Variants in STIM1 observed in about 807,000 individuals in gnomAD.
The protein encoded by STIM1 is stromal interaction molecule 1.
In STIM1, 25 loss-of-function variants were observed where a neutral mutation model predicts 74.7. That is an observed-to-expected ratio of 0.33 (90% CI 0.24 to 0.47). The LOEUF is 0.47. Among genes scored for constraint, STIM1 ranks in the 20% least tolerant of loss-of-function variants. The pLI is 1.00. For missense variants in STIM1, 728 were observed against 920.8 expected, an observed-to-expected ratio of 0.79 and a Z score of 2.71; for synonymous variants, 328 against 348.8, an observed-to-expected ratio of 0.94 and a Z score of 0.66.
chr11:3,956,511 A>G (rs2093214610), intron 1 of STIM1, among the ~76,000 whole-genome samples: 1 of 152,124 alleles, frequency 6.6e-6, no homozygotes, highest in Non-Finnish European at 1.5e-5. Context: ...TGTAGGTCCT[A>G]AGTGAAACTT....
At chr11:4,071,346 T>TTTATTA (rs921840590) in intron 6 of STIM1, among the ~76,000 whole-genome samples, 1 of 151,918 alleles carries the variant, frequency 6.6e-6, no homozygotes, top group Non-Finnish European at 1.5e-5. Flanking sequence ...TTTATTTCTA[T>TTTATTA]TTATTATTAT....
In STIM1 at chr11:3,892,269, A is replaced by G. The variant is rs2091917931; in HGVS notation, c.139+35860A>G. ...AGAAAACAGAGAAAACATGGAGCCC[A>G]AAGGGAACTGCAGCAAGAGCACAAA... is the stretch of plus-strand genomic sequence containing the variant. On this transcript the variant is annotated intron_variant, in intron 1 of 12. Transcript: ENST00000526596. The G allele has an allele frequency of 1.8e-5, 12 of 660,634 alleles. No individual in the cohort carries two copies. The South Asian group carries it at 2.1e-4, about 12-fold the overall frequency. 40.9% of individuals were successfully genotyped at this position (660,634 alleles called of 1,614,324 possible). A position where few individuals can be genotyped will look rare whatever the true frequency, so the allele number is the denominator to read the frequency against.
intron 1 of STIM1, among the ~76,000 whole-genome samples, chr11:3,909,707 C>T (rs1370669371): frequency 6.6e-6 from 1 of 151,286 alleles, no homozygotes; most frequent in African/African-American, 2.4e-5. Flanking sequence ...GCCTGTGATC[C>T]CAGCTACTTG....
chr11:3,952,142 A>G (rs768217105), intron 1 of STIM1, among the ~76,000 whole-genome samples: 1 of 152,138 alleles, frequency 6.6e-6, no homozygotes, highest in Non-Finnish European at 1.5e-5. Context: ...GGCCAGGCTC[A>G]GTGGCTCATG....
At chr11:4,066,982 C>T (rs530086977) in intron 5 of STIM1, among the ~76,000 whole-genome samples, 1 of 152,174 alleles carries the variant, frequency 6.6e-6, no homozygotes, top group Non-Finnish European at 1.5e-5. Flanking sequence ...TAGGGCTCTG[C>T]GGGAGGGACC....
At position 4,016,599 on chromosome 11, in the gene STIM1, C is replaced by T. The variant is rs986433637; in HGVS notation, c.271-7274C>T. Among the ~76,000 whole-genome samples the T allele has an allele frequency of 4.6e-5, 7 of 152,236 alleles. 1 individual carries two copies. Among genetic ancestry groups the T allele is most frequent in the African/African-American group, 2.4e-5 (1 of 41,466 alleles). ...TCTCTTCAGAGCTGTCAGGCAGGGACGTTTAAGTCTGCAGAAGCTGTCTGC... is the reference window on the plus strand; with the variant it reads ...TCTCTTCAGAGCTGTCAGGCAGGGATGTTTAAGTCTGCAGAAGCTGTCTGC... On this transcript the variant is annotated intron_variant, in intron 2 of 12. Coordinates refer to ENST00000526596, the MANE Select transcript of STIM1 (RefSeq NM_001382567.1).
chr11:4,049,963 G>C (rs1165064123), intron 3 of STIM1, among the ~76,000 whole-genome samples: 5 of 152,084 alleles, frequency 3.3e-5, no homozygotes, highest in Non-Finnish European at 5.9e-5. Flanking sequence ...GAGGTACTTA[G>C]AACAATACTC....
chr11:3,872,614 C>T (rs531809041), intron 1 of STIM1, among the ~76,000 whole-genome samples: 182 of 149,810 alleles, frequency 1.2e-3, no homozygotes, highest in African/African-American at 4.3e-3. Context: ...CTCCGGCTCC[C>T]GGGTTCATGC....
At chr11:3,997,806 C>G (rs954187948) in intron 2 of STIM1, among the ~76,000 whole-genome samples, 2 of 152,122 alleles carry the variant, frequency 1.3e-5, no homozygotes, top group Non-Finnish European at 2.9e-5. Flanking sequence ...GAGGGTCTTG[C>G]ATAAAGTTGT....
At chr11:3,907,975 T>TTTAA in intron 1 of STIM1, among the ~76,000 whole-genome samples, 1 of 152,296 alleles carries the variant, frequency 6.6e-6, no homozygotes, top group African/African-American at 2.4e-5. Context: ...TATTTAAAAA[T>TTTAA]AGCAATCCCT....
chr11:4,018,472 A>C lies in STIM1; in HGVS notation c.271-5401A>C, dbSNP rs561180537. On this transcript the variant is annotated intron_variant, in intron 2 of 12. Transcript: ENST00000526596. ...AGACTCCGTCTCAAAAAAAAAAAAA[A>C]AAAAAAAAAAAAAACAAACAAAATT... Among the ~76,000 whole-genome samples, 1,124 of 146,174 alleles carry C rather than the reference A, an allele frequency of 7.7e-3. 8 individuals are homozygous for C. Among genetic ancestry groups the C allele is most frequent in the Non-Finnish European group, 0.014 (924 of 66,266 alleles).
intron 1 of STIM1, among the ~76,000 whole-genome samples, chr11:3,895,682 CCTT>C (rs1565104923): frequency 0.014 from 604 of 42,552 alleles, 40 homozygotes; most frequent in Non-Finnish European, 0.018. Flanking sequence ...TTCCTTCCTT[CCTT>C]CTTTCTTTCT....
chr11:3,884,185 C>T (rs113904882), intron 1 of STIM1, among the ~76,000 whole-genome samples: 1 of 152,226 alleles, frequency 6.6e-6, no homozygotes, highest in South Asian at 2.1e-4. Flanking sequence ...CTTCTTCTAT[C>T]TCTGTGCTTT....
chr11:4,053,242 A>G (rs2094258310), intron 3 of STIM1, among the ~76,000 whole-genome samples: 1 of 152,242 alleles, frequency 6.6e-6, no homozygotes. Flanking sequence ...TATATACCCA[A>G]AGGATTATAA....
chr11:3,893,141 A>G (rs906761755), intron 1 of STIM1, among the ~76,000 whole-genome samples: 50 of 152,138 alleles, frequency 3.3e-4, no homozygotes, highest in African/African-American at 1.0e-3. Context: ...TACTCTCCCA[A>G]TTTTGTTGGT....
intron 1 of STIM1, among the ~76,000 whole-genome samples, chr11:3,871,501 G>A (rs1032916057): frequency 6.6e-6 from 1 of 152,122 alleles, no homozygotes; most frequent in African/African-American, 2.4e-5. Context: ...TGTCATGGGG[G>A]CAGGCCTGAA....
chr11:4,030,077 T>C (rs2094035607), intron 3 of STIM1, among the ~76,000 whole-genome samples: 1 of 152,048 alleles, frequency 6.6e-6, no homozygotes. Flanking sequence ...CCTGTAATCC[T>C]AGCACTTTTG....
At chr11:4,090,957 G>C (rs996743279) in intron 12 of STIM1, among the ~76,000 whole-genome samples, 1 of 151,308 alleles carries the variant, frequency 6.6e-6, no homozygotes, top group African/African-American at 2.4e-5. Context: ...TTTCTCTCTT[G>C]GCCCTTCTTT....
intron 2 of STIM1, among the ~76,000 whole-genome samples, chr11:3,986,015 G>A (rs1184831257): frequency 6.6e-6 from 1 of 151,928 alleles, no homozygotes; most frequent in East Asian, 1.9e-4. Flanking sequence ...ACTTTTTGAT[G>A]TGCTCCTTGC....
Sources: allele counts gnomAD v4.1 joint callset (sites outside exome capture counted in the v4.1 genomes callset), GRCh38; gene constraint gnomAD v4.1.1; transcripts MANE v1.5; gene names NCBI Gene and HGNC (gene_info 2026-07-23, HGNC 2026-07-21).